The following KCND2 variants were observed in gnomAD, a reference collection of about 807,000 sequenced individuals.
The protein encoded by KCND2 is A-type voltage-gated potassium channel KCND2.
In KCND2, 16 loss-of-function variants were observed where a neutral mutation model predicts 54.4. The observed-to-expected ratio is 0.29, with a 90% CI of 0.20 to 0.45. The LOEUF is 0.45. Among genes scored for constraint, KCND2 ranks in the 20% least tolerant of loss-of-function variants. The pLI is 1.00. For synonymous variants in KCND2, 317 were observed against 310.7 expected (o/e 1.02, Z -0.21); for missense variants, 486 against 824.2 (o/e 0.59, Z 5.02).
At chr7:120,443,386 A>AATG (rs2116199651) in intron 1 of KCND2, among the ~76,000 whole-genome samples, 1 of 147,628 alleles carries the variant, frequency 6.8e-6, no homozygotes, top group South Asian at 2.1e-4. Flanking sequence ...TAATAATAAT[A>AATG]AAGTAATTGC....
At chr7:120,653,631 A>G (rs1385003180) in intron 1 of KCND2, among the ~76,000 whole-genome samples, 1 of 152,224 alleles carries the variant, frequency 6.6e-6, no homozygotes, top group Non-Finnish European at 1.5e-5. Context: ...TAAAGGAGGA[A>G]CAATAATATT....
At chr7:120,641,049 T>C (rs966673946) in intron 1 of KCND2, among the ~76,000 whole-genome samples, 1 of 152,238 alleles carries the variant, frequency 6.6e-6, no homozygotes, top group Non-Finnish European at 1.5e-5. Flanking sequence ...AGGAGGACTA[T>C]AGAATGAAGA....
intron 1 of KCND2, among the ~76,000 whole-genome samples, chr7:120,434,360 G>T (rs1489982626): frequency 6.6e-6 from 1 of 152,162 alleles, no homozygotes; most frequent in Non-Finnish European, 1.5e-5. Flanking sequence ...AAGGATAAAA[G>T]CAGAGGTGCC....
At chr7:120,295,389 C>G (rs866869959) in intron 1 of KCND2, among the ~76,000 whole-genome samples, 15 of 127,392 alleles carry the variant, frequency 1.2e-4, no homozygotes, top group East Asian at 2.1e-4. Context: ...CACACACACA[C>G]ACAGACACAC....
chr7:120,733,757 C>T (rs1341646090), intron 2 of KCND2, among the ~76,000 whole-genome samples: 3 of 152,080 alleles, frequency 2.0e-5, no homozygotes, highest in Non-Finnish European at 1.5e-5. Flanking sequence ...TTTGTTTGAA[C>T]TTCATGCCAG....
intron 1 of KCND2, among the ~76,000 whole-genome samples, chr7:120,679,668 G>A (rs1792115329): frequency 6.6e-6 from 1 of 151,970 alleles, no homozygotes; most frequent in Non-Finnish European, 1.5e-5. Context: ...ACCAAGCACT[G>A]GAAGTTGAGG....
chr7:120,309,315 C>T (rs1799693306), intron 1 of KCND2, among the ~76,000 whole-genome samples: 1 of 151,794 alleles, frequency 6.6e-6, no homozygotes, highest in Non-Finnish European at 1.5e-5. Flanking sequence ...AGAGGTGACG[C>T]ACCATACTGA....
At chr7:120,310,075 G>C (rs535595580) in intron 1 of KCND2, among the ~76,000 whole-genome samples, 1 of 152,118 alleles carries the variant, frequency 6.6e-6, no homozygotes, top group African/African-American at 2.4e-5. Context: ...CATGCTTGCA[G>C]AACACCTCAG....
upstream of KCND2, among the ~76,000 whole-genome samples, chr7:120,273,060 T>C (rs1014606475): frequency 6.6e-6 from 1 of 151,936 alleles, no homozygotes; most frequent in Non-Finnish European, 1.5e-5. Flanking sequence ...CTGGATGCTC[T>C]CCCTCGGTGA....
intron 1 of KCND2, among the ~76,000 whole-genome samples, chr7:120,524,509 A>C (rs115388406): frequency 0.012 from 1,826 of 152,288 alleles, 33 homozygotes; most frequent in African/African-American, 0.042. Flanking sequence ...ATTTGTTTAA[A>C]ATGTAATTTC....
At chr7:120,341,800 G>A (rs1800243069) in intron 1 of KCND2, among the ~76,000 whole-genome samples, 1 of 152,164 alleles carries the variant, frequency 6.6e-6, no homozygotes, top group African/African-American at 2.4e-5. Flanking sequence ...TGGCAGTTAG[G>A]CAGGAGATAA....
At chr7:120,521,954 C>G (rs1382475481) in intron 1 of KCND2, among the ~76,000 whole-genome samples, 2 of 152,180 alleles carry the variant, frequency 1.3e-5, no homozygotes, top group East Asian at 1.9e-4. Flanking sequence ...AAGGCAAACT[C>G]TGCACCCAGT....
intron 1 of KCND2, among the ~76,000 whole-genome samples, chr7:120,581,728 T>G (rs1792518100): frequency 6.6e-6 from 1 of 152,116 alleles, no homozygotes; most frequent in Admixed American, 6.5e-5. Context: ...TAATTTTTTT[T>G]TTTTGATGGA....
At chr7:120,714,477 C>G (rs548436545) in intron 1 of KCND2, among the ~76,000 whole-genome samples, 5 of 152,138 alleles carry the variant, frequency 3.3e-5, no homozygotes, top group Admixed American at 6.6e-5. Context: ...TTGCAAATAT[C>G]TCTCCACAGA....
At chr7:120,558,251 G>C (rs1792188305) in intron 1 of KCND2, among the ~76,000 whole-genome samples, 2 of 152,096 alleles carry the variant, frequency 1.3e-5, no homozygotes, top group South Asian at 2.1e-4. Flanking sequence ...TTAAATAAAA[G>C]TAACTAGAAA....
chr7:120,362,556 C>A (rs1321628039), intron 1 of KCND2, among the ~76,000 whole-genome samples: 1 of 151,918 alleles, frequency 6.6e-6, no homozygotes, highest in Non-Finnish European at 1.5e-5. Flanking sequence ...TGAATTATAG[C>A]AAAAGCAGGA....
At position 120,741,601 on chromosome 7, in the gene KCND2, G is replaced by C; in HGVS notation, c.1346G>C (p.Arg449Pro). Residue 449 changes from arginine to proline, a missense_variant, in exon 3 of 6, where the codon CGG (arginine) becomes CCG (proline). By Grantham distance (103) the Arg-to-Pro change is moderately radical. Transcript: ENST00000331113. Reference sequence around the variant, plus strand: ...GCAAATGCTTACATGCAGAGCAAACGGAATGGTTTACTCAGTAATCAGCTG... The same window carrying C: ...GCAAATGCTTACATGCAGAGCAAACCGAATGGTTTACTCAGTAATCAGCTG... ...GSANAYMQSK[R>P]NGLLSNQLQS... The C allele has an allele frequency of 6.2e-7, 1 of 1,612,604 alleles. No homozygotes were observed. The highest frequency in any genetic ancestry group is 8.5e-7 in the Non-Finnish European group (1 of 1,178,866).
At chr7:120,473,607 G>A (rs758814325) in intron 1 of KCND2, among the ~76,000 whole-genome samples, 5 of 152,144 alleles carry the variant, frequency 3.3e-5, no homozygotes, top group Admixed American at 1.3e-4. Context: ...TAGCAGCGAT[G>A]TAATTTTTTT....
At chr7:120,669,018 TA>T (rs1791960644) in intron 1 of KCND2, among the ~76,000 whole-genome samples, 1 of 152,108 alleles carries the variant, frequency 6.6e-6, no homozygotes, top group African/African-American at 2.4e-5. Context: ...TTTCAGTGTA[TA>T]AATGGATTGA....
Sources: allele counts gnomAD v4.1 joint callset (sites outside exome capture counted in the v4.1 genomes callset), GRCh38; gene constraint gnomAD v4.1.1; transcripts MANE v1.5; gene names NCBI Gene and HGNC (gene_info 2026-07-23, HGNC 2026-07-21).